The following COX16 variants were observed in gnomAD, a reference collection of about 807,000 sequenced individuals.
COX16 encodes cytochrome c oxidase assembly factor COX16, also known as cytochrome c oxidase assembly protein COX16 homolog, mitochondrial.
Under a neutral mutation model 15.4 loss-of-function variants are expected in COX16, and 12 were observed. That is an observed-to-expected ratio of 0.78 (90% CI 0.50 to 1.26). COX16 has a LOEUF of 1.26. Ranked by LOEUF, COX16 falls within the 50% of genes most tolerant of loss-of-function variation. COX16 has a pLI of 0.00. For synonymous variants in COX16, 46 were observed against 41.1 expected, an observed-to-expected ratio of 1.12 and a Z score of -0.46; for missense variants, 124 against 127.6, an observed-to-expected ratio of 0.97 and a Z score of 0.14.
At chr14:70,342,186 T>C (rs751368180) in intron 2 of COX16, among the ~76,000 whole-genome samples, 1 of 152,196 alleles carries the variant, frequency 6.6e-6, no homozygotes, top group Non-Finnish European at 1.5e-5. Context: ...GGCTCACACC[T>C]GTAATCCCAA....
At position 70,352,709 on chromosome 14, in the gene COX16, G is replaced by A. The variant is rs549531116; in HGVS notation, c.69+6810C>T. Among the ~76,000 whole-genome samples, 26 of 135,022 alleles carry A rather than the reference G, an allele frequency of 1.9e-4. No individual in the cohort carries two copies. The South Asian group carries it at 3.8e-3, about 20-fold the overall frequency. 88.6% of individuals were successfully genotyped at this position (135,022 alleles called of 152,430 possible). The stretch of plus-strand genomic sequence containing the variant: ...CACTCAGGCTGGAGTGCAGTGGCGC[G>A]ATCTCGGCTCACTGCAACCTCTGCC... On this transcript the variant is annotated intron_variant, in intron 1 of 3. Coordinates refer to ENST00000389912, the MANE Select transcript of COX16 (RefSeq NM_016468.7).
At chr14:70,333,861 G>A (rs912230868) in intron 2 of COX16, among the ~76,000 whole-genome samples, 5 of 152,040 alleles carry the variant, frequency 3.3e-5, no homozygotes, top group African/African-American at 1.2e-4. Flanking sequence ...TGATAGAAGG[G>A]GCATCCATAT....
At chr14:70,358,371 ATTTTT>A (rs34871293) in intron 1 of COX16, among the ~76,000 whole-genome samples, 70 of 94,070 alleles carry the variant, frequency 7.4e-4, no homozygotes, top group Middle Eastern at 7.0e-3. Context: ...AAAAACAACA[ATTTTT>A]TTTTTTTTTT....
intron 1 of COX16, among the ~76,000 whole-genome samples, chr14:70,346,807 T>C (rs1485687253): frequency 1.3e-5 from 2 of 152,132 alleles, no homozygotes; most frequent in South Asian, 2.1e-4. Flanking sequence ...CCCCTCCACT[T>C]TTCTGCTCCC....
chr14:70,326,183 T>C lies in COX16; in HGVS notation c.*150A>G. On this transcript the variant is annotated 3_prime_UTR_variant, in exon 4 of 4. Coordinates refer to ENST00000389912, the MANE Select transcript of COX16 (RefSeq NM_016468.7). ...AAGTATAAAAACCTGTACATGACCTTTAGTGAAGATTATTTGTCATCAAAT... is the reference window on the plus strand; with the variant it reads ...AAGTATAAAAACCTGTACATGACCTCTAGTGAAGATTATTTGTCATCAAAT... 2.0e-6 allele frequency: 1 copy of C among 509,878 alleles called. No homozygotes were observed. The highest frequency in any genetic ancestry group is 3.1e-6 in the Non-Finnish European group (1 of 326,106). The allele number at this position is 509,878 out of a possible 1,614,324, so 31.6% of individuals were successfully genotyped here.
At chr14:70,350,796 T>C (rs1886932121) in intron 1 of COX16, among the ~76,000 whole-genome samples, 1 of 152,228 alleles carries the variant, frequency 6.6e-6, no homozygotes, top group South Asian at 2.1e-4. Context: ...ATTCATTTGG[T>C]TAATTCATCT....
Position 70,348,303 on chromosome 14 carries a change from G to A in COX16, c.70-5574C>T, listed in dbSNP as rs149768660. 2.0e-3 allele frequency among the ~76,000 whole-genome samples: 304 copies of A among 152,168 alleles called. 3 individuals are homozygous for A. Among genetic ancestry groups the A allele is most frequent in the Non-Finnish European group, 2.4e-3 (166 of 68,000 alleles). On this transcript the variant is annotated intron_variant, in intron 1 of 3. Transcript: ENST00000389912. The stretch of plus-strand genomic sequence containing the variant: ...GTACTAAGTCTCATCTCTGCCCCAC[G>A]GCTCCTCCAACTGTATGCTCTGTTC...
chr14:70,337,784 A>C (rs927201553), intron 2 of COX16, among the ~76,000 whole-genome samples: 4 of 152,204 alleles, frequency 2.6e-5, no homozygotes, highest in Admixed American at 2.0e-4. Context: ...ATGCATTTTA[A>C]AACTAAAAAA....
Position 70,358,383 on chromosome 14 carries a change from T to A in COX16, c.69+1136A>T, listed in dbSNP as rs866201790. On this transcript the variant is annotated intron_variant, in intron 1 of 3. Transcript: ENST00000389912. ...GCTAAAAACAACAATTTTTTTTTTT[T>A]TTTTTTTTTTTGGAGAGACAGAGGT... Among the ~76,000 whole-genome samples the A allele has an allele frequency of 2.5e-3, 372 of 146,532 alleles. 2 individuals carry two copies. Among genetic ancestry groups the A allele is most frequent in the East Asian group, 8.5e-3 (43 of 5,072 alleles).
At chr14:70,335,350 C>T (rs1396392881) in intron 2 of COX16, among the ~76,000 whole-genome samples, 3 of 152,082 alleles carry the variant, frequency 2.0e-5, no homozygotes, top group Non-Finnish European at 4.4e-5. Flanking sequence ...ACCAAATGGA[C>T]CTAAGACAAA....
chr14:70,344,521 A>T (rs2332362), intron 1 of COX16, among the ~76,000 whole-genome samples: 7,814 of 152,350 alleles, frequency 0.051, 269 homozygotes, highest in Middle Eastern at 0.11. Context: ...TACAAAAGTT[A>T]ATGACCACAA....
intron 1 of COX16, among the ~76,000 whole-genome samples, chr14:70,352,952 G>C (rs1396371422): frequency 1.3e-5 from 2 of 152,014 alleles, no homozygotes; most frequent in Middle Eastern, 3.4e-3. Flanking sequence ...AGATCCCCAA[G>C]TTGTCATTGC....
At position 70,357,158 on chromosome 14, in the gene COX16, C is replaced by CCAAAAAAAAAAAAA. The variant is rs1230639115; in HGVS notation, c.69+2360_69+2361insTTTTTTTTTTTTTG. 2.5e-5 allele frequency among the ~76,000 whole-genome samples: 2 copies of CCAAAAAAAAAAAAA among 78,700 alleles called. 1 individual carries two copies. 51.6% of individuals were successfully genotyped at this position (78,700 alleles called of 152,430 possible). A position where few individuals can be genotyped will look rare whatever the true frequency, so the allele number is the denominator to read the frequency against. On this transcript the variant is annotated intron_variant, in intron 1 of 3. Coordinates refer to ENST00000389912, the MANE Select transcript of COX16 (RefSeq NM_016468.7). ...CAGACTTCTCCTAGGAAGCGTTTGT[C>CCAAAAAAAAAAAAA]AAAAAAAAAAAAAAAAAAAAAAAAA... is the stretch of plus-strand genomic sequence containing the variant.
Position 70,352,272 on chromosome 14 carries a change from C to T in COX16, c.69+7247G>A, listed in dbSNP as rs151121302. 5.2e-3 allele frequency among the ~76,000 whole-genome samples: 789 copies of T among 151,110 alleles called. 7 individuals carry two copies. Among genetic ancestry groups the T allele is most frequent in the African/African-American group, 0.019 (764 of 41,226 alleles). On this transcript the variant is annotated intron_variant, in intron 1 of 3. Transcript: ENST00000389912. The stretch of plus-strand genomic sequence containing the variant: ...AGCGATCTCGGCTCACTGCAACCTC[C>T]GCTTCCCAGGTTCAAGCAATTCTCC...
At chr14:70,348,762 C>CA in intron 1 of COX16, among the ~76,000 whole-genome samples, 1 of 152,190 alleles carries the variant, frequency 6.6e-6, no homozygotes, top group East Asian at 1.9e-4. Context: ...TTTTTAACTG[C>CA]AAAAAACACT....
chr14:70,357,184 A>G (rs1362347992), intron 1 of COX16, among the ~76,000 whole-genome samples: 1 of 150,616 alleles, frequency 6.6e-6, no homozygotes. Flanking sequence ...AAAAAAAAAA[A>G]AAAAAAATTC....
At chr14:70,342,360 T>C (rs1886648910) in intron 2 of COX16, among the ~76,000 whole-genome samples, 1 of 152,070 alleles carries the variant, frequency 6.6e-6, no homozygotes, top group South Asian at 2.1e-4. Flanking sequence ...ACAAGAGAAT[T>C]GCTTGAGCCT....
At chr14:70,349,681 C>T (rs1886888242) in intron 1 of COX16, among the ~76,000 whole-genome samples, 1 of 152,198 alleles carries the variant, frequency 6.6e-6, no homozygotes, top group Admixed American at 6.5e-5. Context: ...TCATAAGGCT[C>T]TGCGCAACAC....
rs1411993635 is a variant in COX16, at chr14:70,326,163, T to C, written c.*170A>G. On this transcript the variant is annotated 3_prime_UTR_variant, in exon 4 of 4. Transcript: ENST00000389912. ...CCACAGATGGAATAGCTGGGAAGTATAAAAACCTGTACATGACCTTTAGTG... is the reference window on the plus strand; with the variant it reads ...CCACAGATGGAATAGCTGGGAAGTACAAAAACCTGTACATGACCTTTAGTG... The C allele has an allele frequency of 1.2e-5, 5 of 413,840 alleles. No homozygotes were observed. The highest frequency in any genetic ancestry group is 6.2e-5 in the African/African-American group (3 of 48,308). 25.6% of individuals were successfully genotyped at this position (413,840 alleles called of 1,614,324 possible).
Sources: gnomAD v4.1 joint callset for allele counts (sites outside exome capture counted in the v4.1 genomes callset) on GRCh38, gnomAD v4.1.1 for gene constraint, MANE v1.5 for transcripts, NCBI Gene and HGNC (gene_info 2026-07-23, HGNC 2026-07-21) for gene names.